Variants in HIVEP3 observed in about 807,000 individuals in gnomAD.
HIVEP3 encodes the protein transcription factor HIVEP3.
Under a neutral mutation model 152.8 loss-of-function variants are expected in HIVEP3, and 49 were observed. That is an observed-to-expected ratio of 0.32 (90% confidence interval 0.26 to 0.41). The LOEUF (loss-of-function observed/expected upper bound fraction) is 0.41, where lower values mean the gene tolerates loss of function less well. Ranked by LOEUF, HIVEP3 falls within the 10% of genes least tolerant of loss-of-function variation. HIVEP3 has a pLI of 1.00. For synonymous variants in HIVEP3, 1,269 were observed against 1,289.0 expected (o/e 0.98, Z 0.33); for missense variants, 2,790 against 3,103.3 (o/e 0.90, Z 2.40).
chr1:41,566,578 G>A (rs1644166971), intron 5 of HIVEP3, among the ~76,000 whole-genome samples: 1 of 152,074 alleles, frequency 6.6e-6, no homozygotes, highest in Admixed American at 6.6e-5. Flanking sequence ...AGTCTCTTAG[G>A]ACAACGCTTA....
chr1:41,818,442 A>T (rs930160615), intron 1 of HIVEP3, among the ~76,000 whole-genome samples: 37 of 152,278 alleles, frequency 2.4e-4, no homozygotes, highest in African/African-American at 8.4e-4. Context: ...TCACTCCCAG[A>T]TGTAAATCCC....
At chr1:41,852,451 C>T (rs910265018) in intron 1 of HIVEP3, among the ~76,000 whole-genome samples, 7 of 152,246 alleles carry the variant, frequency 4.6e-5, no homozygotes, top group African/African-American at 1.7e-4. Context: ...GCCAGAATCC[C>T]AGAGACAGGA....
chr1:41,783,704 G>C (rs868607331), intron 1 of HIVEP3, among the ~76,000 whole-genome samples: 2 of 152,338 alleles, frequency 1.3e-5, no homozygotes, highest in South Asian at 2.1e-4. Context: ...TCTTGCTGGA[G>C]ATGACATTCG....
intron 1 of HIVEP3, among the ~76,000 whole-genome samples, chr1:41,715,429 G>T (rs1009482572): frequency 5.3e-5 from 8 of 152,188 alleles, no homozygotes; most frequent in Admixed American, 2.0e-4. Flanking sequence ...CCCACGGCAA[G>T]CCTGGGGAGG....
chr1:41,674,951 G>T (rs1219009271), intron 2 of HIVEP3, among the ~76,000 whole-genome samples: 1 of 152,084 alleles, frequency 6.6e-6, no homozygotes, highest in Non-Finnish European at 1.5e-5. Context: ...CCCATCCTCT[G>T]CACCCCATTT....
intron 1 of HIVEP3, among the ~76,000 whole-genome samples, chr1:41,905,177 G>T (rs532604978): frequency 6.6e-6 from 1 of 152,188 alleles, no homozygotes; most frequent in South Asian, 2.1e-4. Flanking sequence ...AAGCAAACAG[G>T]TGGGATCCCT....
At chr1:41,990,007 C>CT (rs11370519) in intron 1 of HIVEP3, among the ~76,000 whole-genome samples, 50,862 of 51,506 alleles carry the variant, frequency 0.99, 25,171 homozygotes, top group Middle Eastern at 1. Flanking sequence ...GATGCAGTTT[C>CT]TCCTAGTCTC....
intron 1 of HIVEP3, among the ~76,000 whole-genome samples, chr1:41,789,595 T>A (rs1001974626): frequency 1.3e-5 from 2 of 152,224 alleles, no homozygotes; most frequent in Non-Finnish European, 2.9e-5. Context: ...AGGTCAAAGC[T>A]AAGTAAACAA....
At chr1:42,002,095 TA>T (rs1645431504) in intron 1 of HIVEP3, among the ~76,000 whole-genome samples, 1 of 152,012 alleles carries the variant, frequency 6.6e-6, no homozygotes, top group Non-Finnish European at 1.5e-5. Context: ...TCTTTATTTT[TA>T]AAAAATAAAA....
intron 1 of HIVEP3, among the ~76,000 whole-genome samples, chr1:41,736,182 C>T (rs1199368079): frequency 6.6e-6 from 1 of 152,134 alleles, no homozygotes; most frequent in East Asian, 1.9e-4. Context: ...CTGATCCCTC[C>T]CCACTTTTAG....
intron 1 of HIVEP3, among the ~76,000 whole-genome samples, chr1:41,908,127 G>T (rs1158345013): frequency 6.6e-6 from 1 of 152,122 alleles, no homozygotes; most frequent in Admixed American, 6.5e-5. Context: ...TGGGCATCTA[G>T]TAAGTGGAAG....
intron 1 of HIVEP3, among the ~76,000 whole-genome samples, chr1:41,974,663 G>A (rs967122414): frequency 1.3e-5 from 2 of 151,982 alleles, no homozygotes; most frequent in African/African-American, 4.8e-5. Context: ...CCAGATCTCA[G>A]CTTAGATGCA....
intron 1 of HIVEP3, among the ~76,000 whole-genome samples, chr1:42,008,853 A>G (rs990056828): frequency 1.3e-5 from 2 of 152,198 alleles, no homozygotes; most frequent in Non-Finnish European, 2.9e-5. Flanking sequence ...TGGTCTACCT[A>G]TTACCCTTAC....
intron 1 of HIVEP3, among the ~76,000 whole-genome samples, chr1:41,705,115 T>A (rs984387522): frequency 2.0e-5 from 3 of 152,382 alleles, no homozygotes; most frequent in East Asian, 1.9e-4. Flanking sequence ...TTGACCTTTT[T>A]ATGCCCTTTA....
chr1:41,991,667 A>C (rs1327608417), intron 1 of HIVEP3, among the ~76,000 whole-genome samples: 1 of 152,020 alleles, frequency 6.6e-6, no homozygotes, highest in African/African-American at 2.4e-5. Flanking sequence ...CATCATTCTG[A>C]TACCAAAGCC....
At chr1:41,656,346 T>C (rs1645629051) in intron 2 of HIVEP3, among the ~76,000 whole-genome samples, 1 of 152,172 alleles carries the variant, frequency 6.6e-6, no homozygotes. Context: ...GCTGAGGACA[T>C]TGTGGTTCAG....
chr1:41,978,248 ACCCCCT>A (rs148266232), intron 1 of HIVEP3, among the ~76,000 whole-genome samples: 1,702 of 151,434 alleles, frequency 0.011, 30 homozygotes, highest in African/African-American at 0.04. Flanking sequence ...GAGAAATACA[ACCCCCT>A]CCAGTCAGCA....
At chr1:41,618,358 T>A (rs1417935228) in intron 3 of HIVEP3, among the ~76,000 whole-genome samples, 1 of 152,168 alleles carries the variant, frequency 6.6e-6, no homozygotes. Flanking sequence ...AGCATGTCCA[T>A]CTGAAAATGC....
chr1:41,760,113 C>A (rs1053838748), intron 1 of HIVEP3, among the ~76,000 whole-genome samples: 6 of 152,146 alleles, frequency 3.9e-5, no homozygotes, highest in Admixed American at 3.3e-4. Context: ...CTGGAGGCTG[C>A]AGTACCCCAT....
Sources: gnomAD v4.1 joint callset for allele counts (sites outside exome capture counted in the v4.1 genomes callset) on GRCh38, gnomAD v4.1.1 for gene constraint, MANE v1.5 for transcripts, NCBI Gene and HGNC (gene_info 2026-07-23, HGNC 2026-07-21) for gene names.